The following MYO1E variants were observed in gnomAD, a reference collection of about 807,000 sequenced individuals.
MYO1E encodes myosin IE, also known as unconventional myosin-Ie.
MYO1E carries 68 observed loss-of-function variants against 151.1 expected under a neutral mutation model. The observed-to-expected ratio is 0.45, with a 90% confidence interval of 0.37 to 0.55. MYO1E has a LOEUF of 0.55. Ranked by LOEUF, MYO1E falls within the 20% of genes least tolerant of loss-of-function variation. MYO1E has a pLI of 0.00. For synonymous variants in MYO1E, 601 were observed against 501.7 expected (o/e 1.20, Z -2.64); for missense variants, 1,363 against 1,389.3 (o/e 0.98, Z 0.30).
rs531137559 is a variant in MYO1E at position 59,170,534 on chromosome 15, G to A, written c.2480+1363C>T. Among the ~76,000 whole-genome samples the A allele has an allele frequency of 3.2e-3, 494 of 152,068 alleles. 1 individual carries two copies. The highest frequency in any genetic ancestry group is 5.7e-3 in the Non-Finnish European group (389 of 67,994). On this transcript the variant is annotated intron_variant, in intron 22 of 27. Transcript: ENST00000288235. ...CCCCGCTCAGGTTGGGACCCAGCCA[G>A]TGAGCTGAATGTTTAGGAAGGCCTT...
At chr15:59,270,311 G>A (rs1360686938) in intron 2 of MYO1E, among the ~76,000 whole-genome samples, 1 of 151,994 alleles carries the variant, frequency 6.6e-6, no homozygotes, top group Non-Finnish European at 1.5e-5. Context: ...TAGCACTTTG[G>A]AAGGCCGAGG....
intron 26 of MYO1E, among the ~76,000 whole-genome samples, chr15:59,151,724 C>G (rs1271840599): frequency 1.3e-5 from 2 of 151,900 alleles, no homozygotes; most frequent in African/African-American, 2.4e-5. Context: ...ACCAGCCTGG[C>G]CAACATGGCG....
chr15:59,260,072 A>T (rs2080216603), intron 3 of MYO1E, among the ~76,000 whole-genome samples: 1 of 152,374 alleles, frequency 6.6e-6, no homozygotes, highest in South Asian at 2.1e-4. Flanking sequence ...AAAATTGAGC[A>T]TATTTTTTAG....
intron 22 of MYO1E, among the ~76,000 whole-genome samples, chr15:59,170,827 C>T (rs1201518463): frequency 6.6e-6 from 1 of 152,172 alleles, no homozygotes; most frequent in Admixed American, 6.5e-5. Context: ...GATTATCAGA[C>T]TGGAACTAGG....
At chr15:59,344,402 G>A (rs1342140408) in intron 1 of MYO1E, among the ~76,000 whole-genome samples, 1 of 152,024 alleles carries the variant, frequency 6.6e-6, no homozygotes, top group African/African-American at 2.4e-5. Context: ...GATGTGTGGA[G>A]CTAGGGGAAG....
At chr15:59,208,385 A>G (rs2079854597) in intron 14 of MYO1E, 2 of 560,422 alleles carry the variant, frequency 3.6e-6, no homozygotes, top group Middle Eastern at 4.9e-4. Context: ...GTGTTCTAGA[A>G]ATTCCGACTC....
chr15:59,270,506 G>A (rs1464940446), intron 2 of MYO1E, among the ~76,000 whole-genome samples: 1 of 142,814 alleles, frequency 7.0e-6, no homozygotes, highest in African/African-American at 2.7e-5. Flanking sequence ...TCGTGCCACT[G>A]CACTCCAGCC....
intron 1 of MYO1E, among the ~76,000 whole-genome samples, chr15:59,312,791 C>A (rs1396644310): frequency 1.3e-5 from 2 of 152,092 alleles, no homozygotes; most frequent in Admixed American, 1.3e-4. Flanking sequence ...GAAGCCGAGG[C>A]AGGTAGATCA....
chr15:59,251,298 T>C (rs187748264), intron 4 of MYO1E, among the ~76,000 whole-genome samples: 4 of 152,234 alleles, frequency 2.6e-5, no homozygotes, highest in Admixed American at 2.0e-4. Context: ...GGAATAAGTA[T>C]AGTGAGACCA....
At chr15:59,372,424 G>A (rs1241031422) in intron 1 of MYO1E, 74 bp downstream of exon 1, 3 of 1,526,514 alleles carry the variant, frequency 2.0e-6, no homozygotes, top group South Asian at 2.4e-5. Context: ...CGCGCCCAAG[G>A]TGGGTGCACC....
At chr15:59,315,705 T>C (rs1286759746) in intron 1 of MYO1E, among the ~76,000 whole-genome samples, 1 of 152,222 alleles carries the variant, frequency 6.6e-6, no homozygotes, top group Non-Finnish European at 1.5e-5. Context: ...AGCTCTTGTA[T>C]GTGCAATGAT....
chr15:59,155,862 G>A (rs1412121778), intron 25 of MYO1E, among the ~76,000 whole-genome samples: 3 of 151,976 alleles, frequency 2.0e-5, no homozygotes, highest in Admixed American at 6.6e-5. Flanking sequence ...CTTTTCTGGG[G>A]GGAAGGTGGG....
At chr15:59,364,009 C>G (rs772512879) in intron 1 of MYO1E, among the ~76,000 whole-genome samples, 2 of 152,120 alleles carry the variant, frequency 1.3e-5, no homozygotes, top group Non-Finnish European at 2.9e-5. Flanking sequence ...AACTCCTGAC[C>G]TCAAGTGATC....
At chr15:59,222,816 T>TTGAAAC (rs1250821147) in intron 9 of MYO1E, among the ~76,000 whole-genome samples, 2 of 152,164 alleles carry the variant, frequency 1.3e-5, no homozygotes, top group African/African-American at 4.8e-5. Flanking sequence ...TAATGATAAA[T>TTGAAAC]TGAAACGATT....
intron 22 of MYO1E, among the ~76,000 whole-genome samples, chr15:59,169,447 T>C (rs1339729993): frequency 1.3e-5 from 2 of 152,258 alleles, no homozygotes; most frequent in Non-Finnish European, 2.9e-5. Context: ...AACTTGGTTC[T>C]GATTACTGGC....
chr15:59,140,318 A>C (rs954930734), intron 26 of MYO1E, among the ~76,000 whole-genome samples: 2 of 152,178 alleles, frequency 1.3e-5, no homozygotes, highest in African/African-American at 2.4e-5. Flanking sequence ...ACTTGTTCCT[A>C]TTTAGTGAGA....
chr15:59,229,629 T>C (rs1438893471), intron 6 of MYO1E, among the ~76,000 whole-genome samples: 2 of 152,258 alleles, frequency 1.3e-5, no homozygotes, highest in African/African-American at 4.8e-5. Context: ...TACATAGATG[T>C]TCATTGCATT....
At chr15:59,270,749 C>T (rs1272985688) in intron 2 of MYO1E, among the ~76,000 whole-genome samples, 3 of 151,654 alleles carry the variant, frequency 2.0e-5, no homozygotes, top group Non-Finnish European at 1.5e-5. Context: ...AGCAATTCTC[C>T]TGCCTCAACC....
At chr15:59,191,955 A>C (rs979011220) in intron 17 of MYO1E, among the ~76,000 whole-genome samples, 1 of 152,232 alleles carries the variant, frequency 6.6e-6, no homozygotes, top group African/African-American at 2.4e-5. Flanking sequence ...CAACCTTGCC[A>C]GAAGCCAAAC....
Sources: gnomAD v4.1 joint callset for allele counts (sites outside exome capture counted in the v4.1 genomes callset) on GRCh38, gnomAD v4.1.1 for gene constraint, MANE v1.5 for transcripts, NCBI Gene and HGNC (gene_info 2026-07-23, HGNC 2026-07-21) for gene names.